DOP1B: variants seen among roughly 807,000 people sequenced by gnomAD.
The protein encoded by DOP1B is DOP1 leucine zipper like protein B.
A neutral mutation model predicts 233.5 loss-of-function variants in DOP1B; 174 were observed. The ratio of observed to expected loss-of-function variants is 0.75; its 90% CI spans 0.66 to 0.85. The LOEUF (loss-of-function observed/expected upper bound fraction) is 0.85, where lower values mean the gene tolerates loss of function less well. Ranked by LOEUF, DOP1B falls within the 40% of genes least tolerant of loss-of-function variation. The pLI is 0.00. For synonymous variants in DOP1B, 1,190 were observed against 1,185.6 expected, an observed-to-expected ratio of 1.00 and a Z score of -0.08; for missense variants, 2,652 against 2,846.6, an observed-to-expected ratio of 0.93 and a Z score of 1.56.
intron 26 of DOP1B, among the ~76,000 whole-genome samples, chr21:36,266,240 G>C (rs935532911): frequency 1.3e-5 from 2 of 152,220 alleles, no homozygotes; most frequent in East Asian, 3.9e-4. Context: ...GCAATGGCAC[G>C]ATCTCAGCTC....
chr21:36,292,788 A>G (rs1193860933), intron 36 of DOP1B, among the ~76,000 whole-genome samples: 2 of 151,690 alleles, frequency 1.3e-5, no homozygotes, highest in Admixed American at 6.6e-5. Flanking sequence ...TAATTTTTGT[A>G]TTTTTAGTAG....
At position 36,164,825 on chromosome 21, in the gene DOP1B, C is replaced by T. The variant is rs1480989560; in HGVS notation, c.92C>T (p.Ser31Leu). The change falls in exon 2 of 37, where the codon TCG becomes TTG. Residue 31 changes from serine (S) to leucine (L), a missense_variant. Coordinates refer to ENST00000691173, the MANE Select transcript of DOP1B (RefSeq NM_001320714.2). ...AAGGCTTTGAGAAATTTTGAGTCCT[C>T]GAGTGAATGGGCGGATCTCATATCT... ...IEKALRNFES[S>L]SEWADLISSL... 9 of 1,612,300 alleles carry T rather than the reference C, an allele frequency of 5.6e-6. No individual in the cohort carries two copies. Among genetic ancestry groups the T allele is most frequent in the African/African-American group, 2.7e-5 (2 of 74,756 alleles).
At chr21:36,196,863 G>A (rs756722384) in intron 2 of DOP1B, among the ~76,000 whole-genome samples, 30 of 152,094 alleles carry the variant, frequency 2.0e-4, no homozygotes, top group Non-Finnish European at 4.1e-4. Context: ...AAGCTGCATG[G>A]AACCATGATC....
intron 7 of DOP1B, among the ~76,000 whole-genome samples, chr21:36,212,386 C>T (rs879372837): frequency 6.6e-6 from 1 of 152,204 alleles, no homozygotes; most frequent in Non-Finnish European, 1.5e-5. Flanking sequence ...GTAGCAAAAC[C>T]TTATTCAGGT....
chr21:36,237,555 C>G (rs11702671), intron 16 of DOP1B, 141 bp downstream of exon 16: 7 of 1,147,900 alleles, frequency 6.1e-6, no homozygotes. Context: ...CAGAGGTGTT[C>G]TAGGATTTCA....
At chr21:36,244,768 G>A (rs893278916) in intron 18 of DOP1B, among the ~76,000 whole-genome samples, 2 of 152,068 alleles carry the variant, frequency 1.3e-5, no homozygotes, top group Non-Finnish European at 2.9e-5. Flanking sequence ...AAAATAATAC[G>A]TATTTTTAAA....
At chr21:36,257,643 A>T (rs975003811) in intron 23 of DOP1B, among the ~76,000 whole-genome samples, 8 of 145,886 alleles carry the variant, frequency 5.5e-5, no homozygotes, top group Non-Finnish European at 1.1e-4. Flanking sequence ...GATAGATAGA[A>T]GTAGTTAGGT....
chr21:36,235,624 AG>A (rs1250099705), intron 15 of DOP1B, among the ~76,000 whole-genome samples: 1 of 151,904 alleles, frequency 6.6e-6, no homozygotes, highest in Non-Finnish European at 1.5e-5. Context: ...GCTACTTGGG[AG>A]GCTGAGGTGG....
At chr21:36,231,968 C>T (rs1269703610) in intron 14 of DOP1B, among the ~76,000 whole-genome samples, 2 of 152,050 alleles carry the variant, frequency 1.3e-5, no homozygotes, top group Non-Finnish European at 2.9e-5. Flanking sequence ...ACCTCAGCCT[C>T]CCAAGTATCT....
At chr21:36,162,065 G>C (rs1414039717) in intron 1 of DOP1B, among the ~76,000 whole-genome samples, 4 of 152,224 alleles carry the variant, frequency 2.6e-5, no homozygotes, top group Non-Finnish European at 5.9e-5. Flanking sequence ...ATAAGTGACA[G>C]TAGTGTATTC....
intron 23 of DOP1B, among the ~76,000 whole-genome samples, chr21:36,259,752 A>G (rs943135880): frequency 2.7e-4 from 41 of 152,152 alleles, no homozygotes; most frequent in Non-Finnish European, 5.4e-4. Flanking sequence ...ACATTACTTG[A>G]ATTTCTACAA....
intron 18 of DOP1B, among the ~76,000 whole-genome samples, chr21:36,244,141 C>G (rs2066926164): frequency 7.0e-6 from 1 of 143,722 alleles, no homozygotes. Flanking sequence ...ATTCTCCTGT[C>G]TCAGTCTCCC....
chr21:36,256,670 A>G (rs1172491373), intron 23 of DOP1B, among the ~76,000 whole-genome samples: 1 of 151,044 alleles, frequency 6.6e-6, no homozygotes, highest in Non-Finnish European at 1.5e-5. Context: ...GCTACACAAC[A>G]TGGATGTCAG....
At chr21:36,179,447 A>G (rs1230669975) in intron 2 of DOP1B, among the ~76,000 whole-genome samples, 2 of 152,234 alleles carry the variant, frequency 1.3e-5, no homozygotes, top group Non-Finnish European at 2.9e-5. Flanking sequence ...ATGACAGATG[A>G]TTAGAAAATC....
At chr21:36,234,982 T>C (rs1274196327) in intron 15 of DOP1B, among the ~76,000 whole-genome samples, 1 of 152,224 alleles carries the variant, frequency 6.6e-6, no homozygotes, top group Admixed American at 6.5e-5. Context: ...TTCTTTGTTG[T>C]GAAAACATTC....
chr21:36,293,847 G>A lies in DOP1B; in HGVS notation c.*276G>A, dbSNP rs745410553. 78 of 326,596 alleles carry A rather than the reference G, an allele frequency of 2.4e-4. No individual in the cohort carries two copies. Among genetic ancestry groups the A allele is most frequent in the Non-Finnish European group, 3.7e-4 (64 of 172,772 alleles). 20.2% of individuals were successfully genotyped at this position (326,596 alleles called of 1,614,324 possible). Reference sequence around the variant, plus strand: ...AAAATACAAAAATTAGCTGGGTGTGGTGGCGGCGCCTGTAATCCCAGCTAC... The same window carrying A: ...AAAATACAAAAATTAGCTGGGTGTGATGGCGGCGCCTGTAATCCCAGCTAC... On this transcript the variant is annotated 3_prime_UTR_variant, in exon 37 of 37. Coordinates refer to ENST00000691173, the MANE Select transcript of DOP1B (RefSeq NM_001320714.2).
chr21:36,248,046 G>A (rs2066989829), intron 20 of DOP1B, among the ~76,000 whole-genome samples: 1 of 152,260 alleles, frequency 6.6e-6, no homozygotes, highest in African/African-American at 2.4e-5. Flanking sequence ...TGCTATCATG[G>A]TGTTCATGAA....
At position 36,289,009 on chromosome 21, in the gene DOP1B, T is replaced by G; in HGVS notation, c.6354-36T>G. The G allele has an allele frequency of 2.5e-6, 4 of 1,605,848 alleles. No individual in the cohort carries two copies. The South Asian group carries it at 4.5e-5, about 18-fold the overall frequency. Reference sequence around the variant, plus strand: ...GTGAATGGACTATAACAGATCTGAATGAATTTATAACAAGCGTTTCTTTGC... The same window carrying G: ...GTGAATGGACTATAACAGATCTGAAGGAATTTATAACAAGCGTTTCTTTGC... On this transcript the variant is annotated intron_variant, in intron 34 of 36. Transcript: ENST00000691173.
At chr21:36,176,639 C>G (rs2835297) in intron 2 of DOP1B, among the ~76,000 whole-genome samples, 24,612 of 152,030 alleles carry the variant, frequency 0.16, 2,580 homozygotes, top group African/African-American at 0.3. Context: ...TCTGAGAAGA[C>G]ACCAAATGGA....
Sources: allele counts gnomAD v4.1 joint callset (sites outside exome capture counted in the v4.1 genomes callset), GRCh38; gene constraint gnomAD v4.1.1; transcripts MANE v1.5; gene names NCBI Gene and HGNC (gene_info 2026-07-23, HGNC 2026-07-21).